Variants in LPP observed in about 807,000 individuals in gnomAD.
The protein encoded by LPP is LIM domain containing preferred translocation partner in lipoma.
LPP carries 38 observed loss-of-function variants against 60.4 expected under a neutral mutation model. The ratio of observed to expected loss-of-function variants is 0.63; its 90% CI spans 0.49 to 0.83. The LOEUF (loss-of-function observed/expected upper bound fraction) is 0.83. Among genes scored for constraint, LPP ranks in the 40% least tolerant of loss-of-function variants. The probability of loss-of-function intolerance (pLI) is 0.00; values close to 1 mark genes in which losing one functional copy is unlikely to be tolerated. For missense variants in LPP, 902 were observed against 783.6 expected (o/e 1.15, Z -1.80); for synonymous variants, 328 against 290.8 (o/e 1.13, Z -1.30).
intron 6 of LPP, among the ~76,000 whole-genome samples, chr3:188,577,804 T>A (rs1272634940): frequency 9.9e-6 from 1 of 101,210 alleles, no homozygotes; most frequent in African/African-American, 3.6e-5. Context: ...CCTCCCTCCC[T>A]CCTTCCTCCC....
intron 5 of LPP, among the ~76,000 whole-genome samples, chr3:188,522,784 A>AATATATATATATATATAT (rs61033243): frequency 7.7e-4 from 97 of 125,288 alleles, no homozygotes; most frequent in South Asian, 2.7e-3. Flanking sequence ...GATAATATGA[A>AATATATATATATATATAT]ATATATATAT....
chr3:188,844,285 G>C (rs970652868), intron 9 of LPP, among the ~76,000 whole-genome samples: 3 of 152,144 alleles, frequency 2.0e-5, no homozygotes, highest in African/African-American at 7.2e-5. Context: ...CTGTATTTCA[G>C]CCAGTCCTGG....
At position 188,609,775 on chromosome 3, in the gene LPP, C is replaced by T; in HGVS notation, c.1044C>T (p.Val348=). Residue 348 remains valine, a synonymous_variant, in exon 7 of 12, where the codon GTC becomes GTT. Coordinates refer to ENST00000617246, the MANE Select transcript of LPP (RefSeq NM_001375462.1). The surrounding 1 kb of genome is among the most constrained non-coding windows in gnomAD (Gnocchi z 6.9). The stretch of plus-strand genomic sequence containing the variant: ...AGAACCCTCCTGGGATGTATCCAGT[C>T]ACTGGTCCCAAGAAGACCTATATCA... ...GNQNPPGMYP[V]TGPKKTYITD... is the part of the protein sequence containing the mutation. 6.2e-7 allele frequency: 1 copy of T among 1,614,020 alleles called. No individual in the cohort carries two copies. Among genetic ancestry groups the T allele is most frequent in the Non-Finnish European group, 8.5e-7 (1 of 1,179,980 alleles).
intron 3 of LPP, 124 bp from the exon 4 acceptor site, chr3:188,405,988 C>T (rs1174238038): frequency 4.2e-6 from 3 of 722,234 alleles, no homozygotes; most frequent in South Asian, 2.7e-5. Flanking sequence ...TTTCTTTCAC[C>T]CTTCTTTCCA....
At chr3:188,643,164 A>C (rs1850490630) in intron 7 of LPP, among the ~76,000 whole-genome samples, 2 of 152,228 alleles carry the variant, frequency 1.3e-5, no homozygotes, top group Admixed American at 1.3e-4. Context: ...TCATTATTCT[A>C]GCCCAGACAT....
intron 3 of LPP, among the ~76,000 whole-genome samples, chr3:188,359,861 C>A (rs190324176): frequency 7.2e-4 from 110 of 152,268 alleles, no homozygotes; most frequent in African/African-American, 2.5e-3. Flanking sequence ...TACTCTTGTT[C>A]TTTAGGTTTA....
intron 1 of LPP, among the ~76,000 whole-genome samples, chr3:188,224,724 G>A (rs1375498346): frequency 6.6e-6 from 1 of 152,070 alleles, no homozygotes; most frequent in Admixed American, 6.5e-5. Flanking sequence ...GAGGGAGTAG[G>A]CAGAGGAGTT....
chr3:188,165,975 T>C lies in LPP; in HGVS notation c.-190+11723T>C, dbSNP rs367627450. Reference sequence around the variant, plus strand: ...TTGTCAAGGAAGATCTCCACCCTTTTTTATCTTGTAAGGATTCTGTGACAT... The same window carrying C: ...TTGTCAAGGAAGATCTCCACCCTTTCTTATCTTGTAAGGATTCTGTGACAT... On this transcript the variant is annotated intron_variant, in intron 1 of 11. Coordinates refer to ENST00000617246, the MANE Select transcript of LPP (RefSeq NM_001375462.1). Among the ~76,000 whole-genome samples, 65 of 152,238 alleles carry C rather than the reference T, an allele frequency of 4.3e-4. No individual in the cohort carries two copies. The South Asian group carries it at 0.013, about 31-fold the overall frequency.
chr3:188,383,103 A>T (rs1424266894), intron 3 of LPP, among the ~76,000 whole-genome samples: 3 of 152,228 alleles, frequency 2.0e-5, no homozygotes, highest in African/African-American at 7.2e-5. Flanking sequence ...TACTGGTGTT[A>T]TGCTTCTATT....
At position 188,185,268 on chromosome 3, in the gene LPP, G is replaced by T. The variant is rs528966520; in HGVS notation, c.-190+31016G>T. Among the ~76,000 whole-genome samples the T allele has an allele frequency of 8.0e-4, 121 of 151,942 alleles. 1 individual carries two copies. The highest frequency in any genetic ancestry group is 2.7e-3 in the African/African-American group (112 of 41,412). On this transcript the variant is annotated intron_variant, in intron 1 of 11. Coordinates refer to ENST00000617246, the MANE Select transcript of LPP (RefSeq NM_001375462.1). The stretch of plus-strand genomic sequence containing the variant: ...TCTTCATCTGTGAAATCGGGGAGCG[G>T]GCGGGGTGGGGGGAATATTCTTACC...
At chr3:188,178,994 AAGAG>A (rs374762580) in intron 1 of LPP, 22 of 268,690 alleles carry the variant, frequency 8.2e-5, no homozygotes, top group South Asian at 1.9e-4. Context: ...GAGCACGACA[AAGAG>A]AGAGAGAGAG....
At chr3:188,845,399 G>A (rs1278351675) in intron 9 of LPP, among the ~76,000 whole-genome samples, 6 of 152,216 alleles carry the variant, frequency 3.9e-5, no homozygotes, top group African/African-American at 2.4e-5. Flanking sequence ...AAGCTTGAGA[G>A]AGATGAAAAG....
chr3:188,517,022 C>G (rs1358034292), intron 5 of LPP, among the ~76,000 whole-genome samples: 1 of 152,174 alleles, frequency 6.6e-6, no homozygotes, highest in South Asian at 2.1e-4. Context: ...AAGTCACATA[C>G]TCAATTGCCT....
Position 188,889,538 on chromosome 3 carries a change from A to C in LPP, c.*15059A>C. Reference sequence around the variant, plus strand: ...GGGCAAAGCAAGATACCTCCACTTAACCTTTATCCAAGGAAGCTCTTGGTG... The same window carrying C: ...GGGCAAAGCAAGATACCTCCACTTACCCTTTATCCAAGGAAGCTCTTGGTG... On this transcript the variant is annotated 3_prime_UTR_variant, in exon 12 of 12. Coordinates refer to ENST00000617246, the MANE Select transcript of LPP (RefSeq NM_001375462.1). 4.4e-6 allele frequency: 1 copy of C among 229,648 alleles called. No homozygotes were observed. The highest frequency in any genetic ancestry group is 6.2e-5 in the East Asian group (1 of 16,192). 14.2% of individuals were successfully genotyped at this position (229,648 alleles called of 1,614,324 possible).
At chr3:188,408,104 A>G (rs979060476) in intron 4 of LPP, among the ~76,000 whole-genome samples, 4 of 151,940 alleles carry the variant, frequency 2.6e-5, no homozygotes, top group Non-Finnish European at 5.9e-5. Context: ...TATGTTTTCA[A>G]TGTTTCCCTT....
At chr3:188,317,650 G>C (rs576189256) in intron 2 of LPP, among the ~76,000 whole-genome samples, 9 of 152,294 alleles carry the variant, frequency 5.9e-5, no homozygotes, top group Admixed American at 5.2e-4. Context: ...GTTATATTTA[G>C]TGTAGTGCAA....
intron 6 of LPP, among the ~76,000 whole-genome samples, chr3:188,585,411 C>T (rs1487750889): frequency 1.3e-5 from 2 of 152,136 alleles, no homozygotes; most frequent in Non-Finnish European, 2.9e-5. Flanking sequence ...TGAAGGCTGA[C>T]TTCTGAGCTT....
intron 3 of LPP, among the ~76,000 whole-genome samples, chr3:188,389,006 G>A (rs746744698): frequency 2.6e-5 from 4 of 152,092 alleles, no homozygotes; most frequent in Admixed American, 6.6e-5. Context: ...CTGACAAATC[G>A]TGTCCCATGG....
rs187638951 is a variant in LPP at position 188,508,010 on chromosome 3, T to C, written c.307-16655T>C. ...CCTTTTATGCTAGTAAATAAAATGA[T>C]TTGATCTGTATTTAGATGGATTGCT... On this transcript the variant is annotated intron_variant, in intron 5 of 11. Transcript: ENST00000617246. 3.2e-4 allele frequency among the ~76,000 whole-genome samples: 48 copies of C among 152,334 alleles called. 1 individual carries two copies. In the East Asian group the frequency reaches 7.3e-3, roughly 23 times the overall value.
Sources: gnomAD v4.1 joint callset for allele counts (sites outside exome capture counted in the v4.1 genomes callset) on GRCh38, gnomAD v4.1.1 for gene constraint, Gnocchi (gnomAD v3.1) non-coding constraint, MANE v1.5 for transcripts, NCBI Gene and HGNC (gene_info 2026-07-23, HGNC 2026-07-21) for gene names.